IL1RAPL2: variants seen among roughly 807,000 people sequenced by gnomAD.
The protein encoded by IL1RAPL2 is interleukin 1 receptor accessory protein like 2.
In IL1RAPL2, 3 loss-of-function variants were observed where a neutral mutation model predicts 44.1. That is an observed-to-expected ratio of 0.07 (90% CI 0.03 to 0.18). IL1RAPL2 has a LOEUF of 0.18. Among genes scored for constraint, IL1RAPL2 ranks in the 10% least tolerant of loss-of-function variants. The pLI is 1.00. For synonymous variants in IL1RAPL2, 181 were observed against 178.8 expected, an observed-to-expected ratio of 1.01 and a Z score of -0.10; for missense variants, 391 against 496.4, an observed-to-expected ratio of 0.79 and a Z score of 2.02.
In IL1RAPL2 at chrX:104,777,661, C is replaced by T. The variant is rs185654886; in HGVS notation, c.82+118666C>T. On this transcript the variant is annotated intron_variant, in intron 2 of 10. Coordinates refer to ENST00000372582, the MANE Select transcript of IL1RAPL2 (RefSeq NM_017416.2). ...GTGTAATCTCACCTCACTGCAACCTCGGCCTCCCCGGTTCAAGCAATTCTT... is the reference window on the plus strand; with the variant it reads ...GTGTAATCTCACCTCACTGCAACCTTGGCCTCCCCGGTTCAAGCAATTCTT... Among the ~76,000 whole-genome samples, 689 of 108,524 alleles carry T rather than the reference C, an allele frequency of 6.3e-3. 3 individuals are homozygous for T. The highest frequency in any genetic ancestry group is 0.022 in the African/African-American group (656 of 29,886). The allele number at this position is 108,524 out of a possible 115,157, so 94.2% of individuals were successfully genotyped here. A position where few individuals can be genotyped will look rare whatever the true frequency, so the allele number is the denominator to read the frequency against.
At chrX:105,279,019 T>G (rs1002006403) in intron 5 of IL1RAPL2, among the ~76,000 whole-genome samples, 16 of 111,786 alleles carry the variant, frequency 1.4e-4, no homozygotes, top group Non-Finnish European at 2.1e-4. Context: ...TCAATAATTT[T>G]GCAAAAGTTT....
At chrX:105,679,703 T>C (rs2037906440) in intron 6 of IL1RAPL2, among the ~76,000 whole-genome samples, 1 of 111,961 alleles carries the variant, frequency 8.9e-6, no homozygotes, top group Non-Finnish European at 1.9e-5. Flanking sequence ...AGATGATGTA[T>C]CATTTCCCAC....
rs1173780007 is a variant in IL1RAPL2 at position 104,908,128 on chromosome X, C to G, written c.82+249133C>G. On this transcript the variant is annotated intron_variant, in intron 2 of 10. Coordinates refer to ENST00000372582, the MANE Select transcript of IL1RAPL2 (RefSeq NM_017416.2). ...TTATCAGAGACTAGGATTGCAACCC[C>G]TGCCTTTTTATGTTTTCCATTTGCT... 2.7e-5 allele frequency among the ~76,000 whole-genome samples: 3 copies of G among 110,618 alleles called. No homozygotes were observed. In the Admixed American group the frequency reaches 2.9e-4, roughly 11 times the overall value.
At chrX:104,993,315 C>T (rs371591485) in intron 2 of IL1RAPL2, among the ~76,000 whole-genome samples, 2 of 111,216 alleles carry the variant, frequency 1.8e-5, no homozygotes, top group East Asian at 5.7e-4. Context: ...TTTTGGCACC[C>T]TCTGTGAATG....
chrX:105,740,723 G>C (rs1424325437), intron 8 of IL1RAPL2, 32 bp downstream of exon 8: 1 of 1,152,371 alleles, frequency 8.7e-7, no homozygotes, highest in Admixed American at 2.2e-5. Flanking sequence ...ACTATGGTTT[G>C]CTTAGCTATC....
At chrX:105,169,297 T>C (rs4826916) in intron 2 of IL1RAPL2, among the ~76,000 whole-genome samples, 56,058 of 107,393 alleles carry the variant, frequency 0.52, 13,001 homozygotes, top group East Asian at 0.75. Flanking sequence ...TGATAGTGGG[T>C]ATTGGCTTAA....
chrX:105,374,258 T>A lies in IL1RAPL2; in HGVS notation c.697+106717T>A, dbSNP rs2035368116. 2.7e-5 allele frequency among the ~76,000 whole-genome samples: 3 copies of A among 111,439 alleles called. No individual in the cohort carries two copies. The South Asian group carries it at 1.1e-3, about 42-fold the overall frequency. On this transcript the variant is annotated intron_variant, in intron 5 of 10. Transcript: ENST00000372582. ...TGTAGTCCTGTAGTATAGTTTGAAG[T>A]CAAGTAGTGTGATGTCTCCAGCTTT...
At chrX:105,048,027 A>G (rs924739513) in intron 2 of IL1RAPL2, among the ~76,000 whole-genome samples, 23 of 111,669 alleles carry the variant, frequency 2.1e-4, no homozygotes, top group African/African-American at 5.5e-4. Context: ...CCAGACCACC[A>G]CTGAGACCAG....
intron 2 of IL1RAPL2, among the ~76,000 whole-genome samples, chrX:105,047,465 A>C (rs73520225): frequency 0.07 from 7,799 of 111,612 alleles, 689 homozygotes; most frequent in African/African-American, 0.24. Context: ...TTTTGGCAAG[A>C]AAGGGAGTTC....
At chrX:104,951,098 A>T (rs984855587) in intron 2 of IL1RAPL2, among the ~76,000 whole-genome samples, 1 of 111,960 alleles carries the variant, frequency 8.9e-6, no homozygotes, top group Non-Finnish European at 1.9e-5. Flanking sequence ...TAGTGAGATG[A>T]ACCCGGGACC....
At position 104,678,614 on chromosome X, in the gene IL1RAPL2, T is replaced by G. The variant is rs143556434; in HGVS notation, c.82+19619T>G. Among the ~76,000 whole-genome samples, 846 of 112,218 alleles carry G rather than the reference T, an allele frequency of 7.5e-3. 8 individuals carry two copies. Among genetic ancestry groups the G allele is most frequent in the African/African-American group, 0.026 (810 of 30,851 alleles). On this transcript the variant is annotated intron_variant, in intron 2 of 10. Transcript: ENST00000372582. ...AGATCCTAGACTTCTTTTACCTCTT[T>G]CCATTTTATTCAGTCCCTAAGTGTC...
intron 2 of IL1RAPL2, among the ~76,000 whole-genome samples, chrX:104,921,025 A>G (rs1163399672): frequency 9.0e-6 from 1 of 111,246 alleles, no homozygotes; most frequent in Admixed American, 9.5e-5. Context: ...TGCCATTCCC[A>G]AGGAAGTGTT....
intron 2 of IL1RAPL2, among the ~76,000 whole-genome samples, chrX:104,992,823 G>A (rs1053596333): frequency 1.4e-4 from 16 of 111,026 alleles, no homozygotes; most frequent in Admixed American, 1.2e-3. Flanking sequence ...CAACATCAGG[G>A]CCTCTCCTAG....
chrX:104,910,332 G>C (rs1194349473), intron 2 of IL1RAPL2, among the ~76,000 whole-genome samples: 2 of 112,156 alleles, frequency 1.8e-5, no homozygotes, highest in Non-Finnish European at 3.8e-5. Flanking sequence ...CTCGTGCTGG[G>C]AACTGTAGAC....
chrX:104,626,307 TGTGTGC>T (rs1448227154), intron 1 of IL1RAPL2, among the ~76,000 whole-genome samples: 181 of 106,660 alleles, frequency 1.7e-3, no homozygotes, highest in African/African-American at 4.8e-3. Context: ...TGCGTGTGTG[TGTGTGC>T]GTGTGTGTGT....
chrX:105,142,874 G>A (rs1032463404), intron 2 of IL1RAPL2, among the ~76,000 whole-genome samples: 1 of 109,677 alleles, frequency 9.1e-6, no homozygotes, highest in Non-Finnish European at 1.9e-5. Context: ...GACAACATGC[G>A]GGGTTTGGCT....
At chrX:105,033,291 G>C (rs897692324) in intron 2 of IL1RAPL2, among the ~76,000 whole-genome samples, 13 of 111,275 alleles carry the variant, frequency 1.2e-4, no homozygotes, top group African/African-American at 3.9e-4. Flanking sequence ...TATTTTGTTC[G>C]TTAGTTGATG....
intron 2 of IL1RAPL2, among the ~76,000 whole-genome samples, chrX:104,775,179 C>T (rs1347324984): frequency 8.9e-6 from 1 of 112,475 alleles, no homozygotes; most frequent in Non-Finnish European, 1.9e-5. Context: ...CTTAAAGCTA[C>T]GTTCCAACAG....
At position 104,568,010 on chromosome X, in the gene IL1RAPL2, C is replaced by T. The variant is rs1423988993; in HGVS notation, c.-20+959C>T. Among the ~76,000 whole-genome samples, 20 of 112,140 alleles carry T rather than the reference C, an allele frequency of 1.8e-4. No individual in the cohort carries two copies. In the Admixed American group the frequency reaches 1.8e-3, roughly 10 times the overall value. On this transcript the variant is annotated intron_variant, in intron 1 of 10. Coordinates refer to ENST00000372582, the MANE Select transcript of IL1RAPL2 (RefSeq NM_017416.2). Reference sequence around the variant, plus strand: ...ACAAGTATTCAAGATTTTCCCCTTGCCACCCACAAAAGTTGTGACTGCACA... The same window carrying T: ...ACAAGTATTCAAGATTTTCCCCTTGTCACCCACAAAAGTTGTGACTGCACA...
Sources: gnomAD v4.1 joint callset for allele counts (sites outside exome capture counted in the v4.1 genomes callset) on GRCh38, gnomAD v4.1.1 for gene constraint, MANE v1.5 for transcripts, NCBI Gene and HGNC (gene_info 2026-07-23, HGNC 2026-07-21) for gene names.